The following PPFIA2 variants were observed in gnomAD, a reference collection of about 807,000 sequenced individuals.
PPFIA2 encodes the protein liprin-alpha-2.
In PPFIA2, 46 loss-of-function variants were observed where a neutral mutation model predicts 175.5. The observed-to-expected ratio is 0.26, with a 90% CI of 0.21 to 0.34. PPFIA2 has a LOEUF of 0.34. PPFIA2 is among the 10% of genes least tolerant of loss of function. The probability of loss-of-function intolerance (pLI) is 1.00; values close to 1 mark genes in which losing one functional copy is unlikely to be tolerated. For missense variants in PPFIA2, 1,179 were observed against 1,506.1 expected, an observed-to-expected ratio of 0.78 and a Z score of 3.60; for synonymous variants, 568 against 511.4, an observed-to-expected ratio of 1.11 and a Z score of -1.49.
At chr12:81,753,935 A>G (rs767911137) in intron 3 of PPFIA2, 38 bp downstream of exon 3, 6 of 1,603,970 alleles carry the variant, frequency 3.7e-6, no homozygotes, top group Non-Finnish European at 8.5e-7. Context: ...CAAATGTTCA[A>G]TTACAATAGG....
At chr12:81,409,150 G>A (rs1345312755) in intron 7 of PPFIA2, among the ~76,000 whole-genome samples, 2 of 152,092 alleles carry the variant, frequency 1.3e-5, no homozygotes, top group Non-Finnish European at 2.9e-5. Context: ...ACCAGCTTGG[G>A]ACAATAAATA....
At chr12:81,731,092 C>T (rs1197009008) in intron 3 of PPFIA2, among the ~76,000 whole-genome samples, 3 of 151,700 alleles carry the variant, frequency 2.0e-5, no homozygotes, top group Admixed American at 6.6e-5. Context: ...TCCACTGCTA[C>T]GCACTACCCT....
rs910332767 is a variant in PPFIA2 at position 81,277,488 on chromosome 12, A to G, written c.3213-74T>C. The G allele has an allele frequency of 3.5e-6, 5 of 1,411,758 alleles. No homozygotes were observed. The Admixed American group carries it at 9.1e-5, about 26-fold the overall frequency. 87.5% of individuals were successfully genotyped at this position (1,411,758 alleles called of 1,614,324 possible). On this transcript the variant is annotated intron_variant, in intron 27 of 32. Transcript: ENST00000549396. ...GGTGGAGAAAGTTTTGTGATTAGCCATAGTCAACACTATGCACTGCTTCTT... is the reference window on the plus strand; with the variant it reads ...GGTGGAGAAAGTTTTGTGATTAGCCGTAGTCAACACTATGCACTGCTTCTT...
intron 16 of PPFIA2, among the ~76,000 whole-genome samples, chr12:81,354,504 G>A (rs1293690996): frequency 1.3e-5 from 2 of 152,092 alleles, no homozygotes; most frequent in Non-Finnish European, 2.9e-5. Flanking sequence ...CAGCAATTTG[G>A]TTTCGTTTTC....
intron 3 of PPFIA2, among the ~76,000 whole-genome samples, chr12:81,750,290 A>G (rs948662491): frequency 6.9e-6 from 1 of 144,210 alleles, no homozygotes. Context: ...TTACAACACC[A>G]GAAATGTTAG....
chr12:81,752,920 A>G (rs1297096956), intron 3 of PPFIA2, among the ~76,000 whole-genome samples: 1 of 147,592 alleles, frequency 6.8e-6, no homozygotes, highest in Non-Finnish European at 1.5e-5. Flanking sequence ...TACCTAAAAG[A>G]GGCACAATTA....
intron 4 of PPFIA2, among the ~76,000 whole-genome samples, chr12:81,578,761 C>G (rs1391166618): frequency 1.3e-5 from 2 of 151,744 alleles, no homozygotes. Context: ...GGTAGCATAT[C>G]TGTCCATCTG....
At chr12:81,569,390 C>T (rs1409079256) in intron 4 of PPFIA2, among the ~76,000 whole-genome samples, 1 of 152,046 alleles carries the variant, frequency 6.6e-6, no homozygotes, top group Non-Finnish European at 1.5e-5. Context: ...GCATTTACTC[C>T]ACAACGATTT....
At chr12:81,725,807 G>A (rs1429486190) in intron 3 of PPFIA2, among the ~76,000 whole-genome samples, 1 of 150,540 alleles carries the variant, frequency 6.6e-6, no homozygotes, top group South Asian at 2.1e-4. Context: ...AAGTAAAAAA[G>A]AAAAATGACA....
rs189790635 is a variant in PPFIA2, at chr12:81,462,152, A to C, written c.304-4286T>G. Reference sequence around the variant, plus strand: ...CACTATAATTTGCTTAACATATAACAGATATAATATTCTTTTTTACTTTGT... The same window carrying C: ...CACTATAATTTGCTTAACATATAACCGATATAATATTCTTTTTTACTTTGT... On this transcript the variant is annotated intron_variant, in intron 4 of 32. Coordinates refer to ENST00000549396, the MANE Select transcript of PPFIA2 (RefSeq NM_003625.5). Among the ~76,000 whole-genome samples, 14 of 150,932 alleles carry C rather than the reference A, an allele frequency of 9.3e-5. 1 individual carries two copies. Among genetic ancestry groups the C allele is most frequent in the African/African-American group, 3.4e-4 (14 of 41,354 alleles).
At chr12:81,666,722 T>C (rs893701661) in intron 4 of PPFIA2, among the ~76,000 whole-genome samples, 11 of 151,956 alleles carry the variant, frequency 7.2e-5, no homozygotes, top group Non-Finnish European at 1.5e-4. Context: ...GTAACTAACC[T>C]GCACGTTGTG....
chr12:81,723,734 A>C (rs1278634247), intron 3 of PPFIA2, among the ~76,000 whole-genome samples: 1 of 150,988 alleles, frequency 6.6e-6, no homozygotes, highest in African/African-American at 2.4e-5. Context: ...AGAGAATATA[A>C]AGACACTCTA....
rs1332394938 is a variant in PPFIA2 at position 81,339,259 on chromosome 12, T to A, written c.2469A>T (p.Lys823Asn). Reference sequence around the variant, plus strand: ...ACTTGATTCCTTTCTTCTTGGGGGCTTTGTGAAGAGAGTCTTGGCTGCTGT... The same window carrying A: ...ACTTGATTCCTTTCTTCTTGGGGGCATTGTGAAGAGAGTCTTGGCTGCTGT... ...SANSSQDSLH[K>N]APKKKGIKSS... Residue 823 changes from lysine (K) to asparagine (N), a missense_variant, in exon 21 of 33, where the codon AAA (lysine) becomes AAT (asparagine). Lys to Asn is a moderately conservative substitution (Grantham distance 94). Around this residue, in one of 10 missense-constraint regions of PPFIA2, gnomAD observed 223 missense variants for 241.6 expected, o/e 0.92. Coordinates refer to ENST00000549396, the MANE Select transcript of PPFIA2 (RefSeq NM_003625.5). 1 of 1,611,182 alleles carries A rather than the reference T, an allele frequency of 6.2e-7. No homozygotes were observed. Among genetic ancestry groups the A allele is most frequent in the East Asian group, 2.2e-5 (1 of 44,738 alleles).
At chr12:81,472,414 A>T (rs957200312) in intron 4 of PPFIA2, 1 of 152,204 alleles carries the variant, frequency 6.6e-6, no homozygotes, top group African/African-American at 2.4e-5. Flanking sequence ...AATGGAGGGT[A>T]AGCTATGTTA....
intron 4 of PPFIA2, among the ~76,000 whole-genome samples, chr12:81,638,507 A>T (rs2064422455): frequency 6.6e-6 from 1 of 151,962 alleles, no homozygotes; most frequent in Admixed American, 6.6e-5. Context: ...AAGAGAGAAA[A>T]GTAAAGAGTT....
At chr12:81,537,009 A>G (rs2065499113) in intron 4 of PPFIA2, among the ~76,000 whole-genome samples, 1 of 151,532 alleles carries the variant, frequency 6.6e-6, no homozygotes, top group African/African-American at 2.4e-5. Flanking sequence ...ATATTGATTT[A>G]TTAAGTATAT....
At chr12:81,707,501 T>C (rs1024134671) in intron 3 of PPFIA2, among the ~76,000 whole-genome samples, 2 of 151,708 alleles carry the variant, frequency 1.3e-5, no homozygotes, top group African/African-American at 2.4e-5. Flanking sequence ...AGAATGGCAA[T>C]CATTAAAAAG....
rs35342063 is a variant in PPFIA2, at chr12:81,412,335, CAAA to C, written c.646-6435_646-6433del. Among the ~76,000 whole-genome samples, 390 of 96,154 alleles carry C rather than the reference CAAA, an allele frequency of 4.1e-3. 2 individuals are homozygous for C. The highest frequency in any genetic ancestry group is 8.9e-3 in the African/African-American group (260 of 29,132). 63.1% of individuals were successfully genotyped at this position (96,154 alleles called of 152,430 possible). A position where few individuals can be genotyped will look rare whatever the true frequency, so the allele number is the denominator to read the frequency against. On this transcript the variant is annotated intron_variant, in intron 7 of 32. Coordinates refer to ENST00000549396, the MANE Select transcript of PPFIA2 (RefSeq NM_003625.5). ...GTAGATTACATTCTAGTTAAGGAGG[CAAA>C]AAAAAAAAAAAAAAAAGGAAGCAGT...
chr12:81,451,111 C>T (rs375172250), intron 5 of PPFIA2, among the ~76,000 whole-genome samples: 4 of 152,086 alleles, frequency 2.6e-5, no homozygotes, highest in East Asian at 1.9e-4. Context: ...CACATACACA[C>T]GCTCACATAC....
Sources: gnomAD v4.1 joint callset for allele counts (sites outside exome capture counted in the v4.1 genomes callset) on GRCh38, gnomAD v4.1.1 for gene constraint, gnomAD v4.1.1 regional missense constraint, MANE v1.5 for transcripts, NCBI Gene and HGNC (gene_info 2026-07-23, HGNC 2026-07-21) for gene names.